MYLK: variants seen among roughly 807,000 people sequenced by gnomAD.
MYLK encodes the protein myosin light chain kinase.
MYLK carries 106 observed loss-of-function variants against 203.4 expected under a neutral mutation model. The observed-to-expected ratio is 0.52, with a 90% confidence interval of 0.45 to 0.61. The LOEUF (loss-of-function observed/expected upper bound fraction) is 0.61. Ranked by LOEUF, MYLK falls within the 20% of genes least tolerant of loss-of-function variation. The pLI is 0.00. For missense variants in MYLK, 2,072 were observed against 2,442.3 expected (o/e 0.85, Z 3.20); for synonymous variants, 867 against 959.5 (o/e 0.90, Z 1.78).
At chr3:123,670,821 G>A (rs2059891824) in intron 20 of MYLK, among the ~76,000 whole-genome samples, 2 of 152,248 alleles carry the variant, frequency 1.3e-5, no homozygotes, top group South Asian at 4.1e-4. Flanking sequence ...GCCATAGGTG[G>A]TTAGTAGCTA....
Position 123,707,902 on chromosome 3 carries a change from G to C in MYLK, c.2242C>G (p.Pro748Ala). Reference sequence around the variant, plus strand: ...CTGAGCCAGTGCACGGTAGGAAAGGGGTCACCAGCTATGGCGCAGGAGATG... The same window carrying C: ...CTGAGCCAGTGCACGGTAGGAAAGGCGTCACCAGCTATGGCGCAGGAGATG... Reference protein sequence around the residue: ...VLISCAIAGDPFPTVHWLRDG... With the variant: ...VLISCAIAGDAFPTVHWLRDG... Residue 748 changes from proline (P) to alanine (A), a missense_variant, in exon 16 of 34, where the codon CCC (proline) becomes GCC (alanine). This residue lies in a region of MYLK where 865 missense variants were observed against 1,016.0 expected (regional missense o/e 0.85). Coordinates refer to ENST00000360304, the MANE Select transcript of MYLK (RefSeq NM_053025.4). 2 of 1,614,204 alleles carry C rather than the reference G, an allele frequency of 1.2e-6. No homozygotes were observed. The highest frequency in any genetic ancestry group is 1.7e-6 in the Non-Finnish European group (2 of 1,180,038).
Position 123,629,291 on chromosome 3 carries a change from G to A in MYLK, c.5114+183C>T, listed in dbSNP as rs547662387. Among the ~76,000 whole-genome samples, 44 of 152,224 alleles carry A rather than the reference G, an allele frequency of 2.9e-4. 1 individual carries two copies. In the South Asian group the frequency reaches 4.6e-3, roughly 16 times the overall value. ...TCCAGGGGGCAGGGCCTAGGAAGTCGCCTCCCCAACCCACATGCATTCGGG... is the reference window on the plus strand; with the variant it reads ...TCCAGGGGGCAGGGCCTAGGAAGTCACCTCCCCAACCCACATGCATTCGGG... On this transcript the variant is annotated intron_variant, in intron 30 of 33. Transcript: ENST00000360304. The surrounding 1 kb of genome is among the most constrained non-coding windows in gnomAD (Gnocchi z 4.4).
intron 4 of MYLK, among the ~76,000 whole-genome samples, chr3:123,765,627 C>T (rs569148399): frequency 4.6e-5 from 7 of 151,868 alleles, no homozygotes; most frequent in African/African-American, 9.7e-5. Context: ...ATAGTGGAAG[C>T]AACCCAAATG....
intron 30 of MYLK, among the ~76,000 whole-genome samples, chr3:123,627,145 A>G (rs531134212): frequency 5.9e-5 from 9 of 152,272 alleles, no homozygotes; most frequent in South Asian, 2.1e-4. Context: ...CAGAACCAGC[A>G]TGGGTTGGTG....
Position 123,657,272 on chromosome 3 carries a change from A to G in MYLK, c.4142T>C (p.Leu1381Pro). The G allele has an allele frequency of 6.2e-7, 1 of 1,614,122 alleles. No homozygotes were observed. Among genetic ancestry groups the G allele is most frequent in the Non-Finnish European group, 8.5e-7 (1 of 1,180,038 alleles). ...GAAAGAGGTGCTGCGGCATGTGGCT[A>G]GTTCCTTCCACGTCTTGTTGGCTGA... Reference protein sequence around the residue: ...WDSANKTWKELATCRSTSFNV... With the variant: ...WDSANKTWKEPATCRSTSFNV... The change falls in exon 24 of 34, where the codon CTA becomes CCA. Residue 1381 changes from leucine to proline, a missense_variant. This residue lies in a region of MYLK where 524 missense variants were observed against 782.4 expected (regional missense o/e 0.67). Coordinates refer to ENST00000360304, the MANE Select transcript of MYLK (RefSeq NM_053025.4).
chr3:123,799,233 G>A (rs2065107359), intron 3 of MYLK, among the ~76,000 whole-genome samples: 1 of 132,298 alleles, frequency 7.6e-6, no homozygotes. Flanking sequence ...ACCTCTAAAT[G>A]AGGCTTTCAC....
chr3:123,763,054 C>T (rs145481469), intron 4 of MYLK, among the ~76,000 whole-genome samples: 1 of 152,174 alleles, frequency 6.6e-6, no homozygotes, highest in Non-Finnish European at 1.5e-5. Flanking sequence ...CATTACACAT[C>T]GACATGACAA....
In MYLK at chr3:123,610,096, C is replaced by A. The variant is rs1324825762; in HGVS notation, c.*4009G>T. 6.6e-6 allele frequency: 1 copy of A among 152,230 alleles called. No homozygotes were observed. Among genetic ancestry groups the A allele is most frequent in the Non-Finnish European group, 1.5e-5 (1 of 68,044 alleles). 9.4% of individuals were successfully genotyped at this position (152,230 alleles called of 1,614,324 possible). ...CCAATACAATTGATGAAACTATAGA[C>A]CATACTCTCTAGACTTTCACACAAG... On this transcript the variant is annotated 3_prime_UTR_variant, in exon 34 of 34. Transcript: ENST00000360304.
intron 23 of MYLK, among the ~76,000 whole-genome samples, chr3:123,662,663 T>C (rs547972690): frequency 6.6e-6 from 1 of 152,218 alleles, no homozygotes; most frequent in Non-Finnish European, 1.5e-5. Flanking sequence ...CTAACCACGG[T>C]AGCCACACAA....
intron 10 of MYLK, among the ~76,000 whole-genome samples, chr3:123,733,321 G>C (rs760536682): frequency 6.6e-6 from 1 of 152,108 alleles, no homozygotes; most frequent in Non-Finnish European, 1.5e-5. Context: ...CAGCGTGATG[G>C]GCAAGGTCTC....
intron 4 of MYLK, among the ~76,000 whole-genome samples, chr3:123,771,500 T>A (rs778459133): frequency 1.3e-5 from 2 of 152,204 alleles, no homozygotes; most frequent in Non-Finnish European, 2.9e-5. Context: ...CATTTCTCCT[T>A]TTATATAAAT....
At chr3:123,720,427 G>A (rs1457732660) in intron 13 of MYLK, among the ~76,000 whole-genome samples, 1 of 152,112 alleles carries the variant, frequency 6.6e-6, no homozygotes, top group Non-Finnish European at 1.5e-5. Context: ...GAAAACAGAG[G>A]GCTGAGCCAC....
At chr3:123,769,696 C>T (rs1392435662) in intron 4 of MYLK, among the ~76,000 whole-genome samples, 8 of 152,194 alleles carry the variant, frequency 5.3e-5, no homozygotes, top group Admixed American at 5.2e-4. Flanking sequence ...CACAGTCACT[C>T]CTGCCTGTCT....
Position 123,708,842 on chromosome 3 carries a change from A to C in MYLK, c.1996T>G (p.Ser666Ala). The C allele has an allele frequency of 1.1e-5, 17 of 1,613,684 alleles. No individual in the cohort carries two copies. The highest frequency in any genetic ancestry group is 1.4e-5 in the Non-Finnish European group (17 of 1,179,946). The change falls in exon 15 of 34, where the codon TCA becomes GCA. Residue 666 changes from serine to alanine, a missense_variant. Around this residue, in one of 3 missense-constraint regions of MYLK, gnomAD observed 865 missense variants for 1,016.0 expected, o/e 0.85. Coordinates refer to ENST00000360304, the MANE Select transcript of MYLK (RefSeq NM_053025.4). ...WLHNGNEIQE[S>A]EDFHFEQRGT... The stretch of plus-strand genomic sequence containing the variant: ...CTCTGTTCAAAGTGGAAGTCCTCTG[A>C]CTCTTGGATCTCATTCCCATTGTGC...
intron 24 of MYLK, 129 bp from the exon 25 acceptor site, chr3:123,649,323 C>A: frequency 8.4e-7 from 1 of 1,197,184 alleles, no homozygotes; most frequent in Non-Finnish European, 1.2e-6. Context: ...AGGTCCAGAG[C>A]TCTGGGCATC....
In MYLK at chr3:123,611,742, GT is replaced by G; in HGVS notation, c.*2362del. ...TAGAATCAGTGGAAGCCCTGAGCTTGTTTTCCTGCAACTAGACTGTCCCATC... is the reference window on the plus strand; with the variant it reads ...TAGAATCAGTGGAAGCCCTGAGCTTGTTTCCTGCAACTAGACTGTCCCATC... On this transcript the variant is annotated 3_prime_UTR_variant, in exon 34 of 34. Transcript: ENST00000360304. 6.1e-6 allele frequency: 1 copy of G among 164,570 alleles called. No individual in the cohort carries two copies. The allele number at this position is 164,570 out of a possible 1,614,324, so 10.2% of individuals were successfully genotyped here.
chr3:123,796,900 T>C (rs925940761), intron 3 of MYLK, among the ~76,000 whole-genome samples: 2 of 152,202 alleles, frequency 1.3e-5, no homozygotes, highest in African/African-American at 4.8e-5. Flanking sequence ...TTCCCAATAA[T>C]CCTACATTTA....
intron 26 of MYLK, among the ~76,000 whole-genome samples, chr3:123,647,653 C>A (rs139349985): frequency 2.9e-4 from 44 of 152,264 alleles, no homozygotes; most frequent in African/African-American, 9.4e-4. Context: ...AAGATATCAG[C>A]CTTTATGAAA....
chr3:123,685,973 T>C (rs1486334525), intron 19 of MYLK, among the ~76,000 whole-genome samples: 1 of 152,134 alleles, frequency 6.6e-6, no homozygotes, highest in Non-Finnish European at 1.5e-5. Flanking sequence ...GTCAGCACGG[T>C]GGGGCTGTGC....
Sources: allele counts gnomAD v4.1 joint callset (sites outside exome capture counted in the v4.1 genomes callset), GRCh38; gene constraint gnomAD v4.1.1; regional missense constraint gnomAD v4.1.1; non-coding constraint Gnocchi (gnomAD v3.1); transcripts MANE v1.5; gene names NCBI Gene and HGNC (gene_info 2026-07-23, HGNC 2026-07-21).